Variants in CCDC15 observed in about 807,000 individuals in gnomAD.
The protein encoded by CCDC15 is coiled-coil domain containing 15.
CCDC15 carries 105 observed loss-of-function variants against 114.5 expected under a neutral mutation model. The ratio of observed to expected loss-of-function variants is 0.92; its 90% CI spans 0.78 to 1.08. The LOEUF is 1.08. CCDC15 is among the 50% of genes least tolerant of loss of function. The pLI is 0.00. For synonymous variants in CCDC15, 334 were observed against 377.8 expected (o/e 0.88, Z 1.34); for missense variants, 1,105 against 1,093.6 (o/e 1.01, Z -0.15).
Position 125,003,889 on chromosome 11 carries a change from G to T in CCDC15, c.2237G>T (p.Gly746Val). Residue 746 changes from glycine (G) to valine (V), a missense_variant, in exon 12 of 16, where the codon GGA (glycine) becomes GTA (valine). Physicochemically the swap from Gly to Val is moderately radical, Grantham distance 109. Coordinates refer to ENST00000344762, the MANE Select transcript of CCDC15 (RefSeq NM_025004.3). The stretch of plus-strand genomic sequence containing the variant: ...CAGGCTTATGATAGGTATCAATCAG[G>T]ATTGAGCACTGAATTCCAAGCTCCA... Reference protein sequence around the residue: ...VPLAYDRYQSGLSTEFQAPLA... With the variant: ...VPLAYDRYQSVLSTEFQAPLA... 3.8e-6 allele frequency: 6 copies of T among 1,564,178 alleles called. No homozygotes were observed. Among genetic ancestry groups the T allele is most frequent in the Non-Finnish European group, 5.2e-6 (6 of 1,161,366 alleles).
Position 124,991,573 on chromosome 11 carries a change from T to C in CCDC15, c.2021T>C (p.Ile674Thr), listed in dbSNP as rs368851358. 6.2e-6 allele frequency: 10 copies of C among 1,603,856 alleles called. No homozygotes were observed. The highest frequency in any genetic ancestry group is 8.5e-6 in the Non-Finnish European group (10 of 1,174,634). ...CCCAAATCCCAGGACCAGGATGACA[T>C]CAAAAATCAGGTAGAGTAGAAGAAA... is the stretch of plus-strand genomic sequence containing the variant. ...LPPKSQDQDD[I>T]KNQQPASFMR... Residue 674 changes from isoleucine (I) to threonine (T), a missense_variant, in exon 9 of 16, where the codon ATC (isoleucine) becomes ACC (threonine). Ile to Thr is a moderately conservative substitution (Grantham distance 89). Transcript: ENST00000344762.
At chr11:124,957,896 AT>A (rs1393948109) in intron 2 of CCDC15, among the ~76,000 whole-genome samples, 3 of 152,244 alleles carry the variant, frequency 2.0e-5, no homozygotes, top group African/African-American at 7.2e-5. Context: ...TGATGATTTT[AT>A]TTAATTTGAA....
At chr11:124,984,901 C>T (rs1311257156) in intron 6 of CCDC15, among the ~76,000 whole-genome samples, 2 of 152,146 alleles carry the variant, frequency 1.3e-5, no homozygotes, top group Admixed American at 1.3e-4. Flanking sequence ...TCCAGTCTCT[C>T]GGTAGTAGAT....
chr11:125,040,974 TTGCTC>T lies in CCDC15; in HGVS notation c.*271_*275del, dbSNP rs1193641466. 1.3e-5 allele frequency: 5 copies of T among 383,448 alleles called. No individual in the cohort carries two copies. The highest frequency in any genetic ancestry group is 2.4e-5 in the Non-Finnish European group (5 of 209,850). 23.8% of individuals were successfully genotyped at this position (383,448 alleles called of 1,614,324 possible). ...TCAGACAAGTAAGGCTTCTCTTACTTTGCTCTGCTCTGATCAGAAGAGCTCATGTG... is the reference window on the plus strand; with the variant it reads ...TCAGACAAGTAAGGCTTCTCTTACTTTGCTCTGATCAGAAGAGCTCATGTG... On this transcript the variant is annotated 3_prime_UTR_variant, in exon 16 of 16. Transcript: ENST00000344762.
intron 11 of CCDC15, among the ~76,000 whole-genome samples, chr11:124,994,820 A>G (rs1039756316): frequency 6.6e-6 from 1 of 152,236 alleles, no homozygotes; most frequent in Non-Finnish European, 1.5e-5. Context: ...TTAGTTTATT[A>G]TCACTGGAAT....
chr11:125,017,385 T>C (rs1948635353), intron 13 of CCDC15, among the ~76,000 whole-genome samples: 1 of 152,148 alleles, frequency 6.6e-6, no homozygotes, highest in South Asian at 2.1e-4. Flanking sequence ...TGGTTAGTGA[T>C]GGACAGCACA....
In CCDC15 at chr11:124,987,488, C is replaced by A; in HGVS notation, c.1262C>A (p.Thr421Lys). Residue 421 changes from threonine (T) to lysine (K), a missense_variant, in exon 8 of 16, where the codon ACG becomes AAG. Coordinates refer to ENST00000344762, the MANE Select transcript of CCDC15 (RefSeq NM_025004.3). ...DFLPTNQALLTKNQDVLLKDH... is the reference protein window; with the variant it reads ...DFLPTNQALLKKNQDVLLKDH... ...CTACCCACAAATCAGGCTCTTCTAACGAAAAACCAGGATGTTTTACTCAAA... is the reference window on the plus strand; with the variant it reads ...CTACCCACAAATCAGGCTCTTCTAAAGAAAAACCAGGATGTTTTACTCAAA... The A allele has an allele frequency of 1.2e-6, 2 of 1,613,914 alleles. No homozygotes were observed. The highest frequency in any genetic ancestry group is 1.3e-5 in the African/African-American group (1 of 75,026).
At chr11:125,008,946 C>T (rs901027883) in intron 13 of CCDC15, among the ~76,000 whole-genome samples, 2 of 152,050 alleles carry the variant, frequency 1.3e-5, no homozygotes, top group South Asian at 2.1e-4. Flanking sequence ...GAGCTGGGCG[C>T]GGTGGCTCAC....
At position 125,034,263 on chromosome 11, in the gene CCDC15, C is replaced by T. The variant is rs531721807; in HGVS notation, c.2412-4168C>T. Among the ~76,000 whole-genome samples, 4 of 152,284 alleles carry T rather than the reference C, an allele frequency of 2.6e-5. No individual in the cohort carries two copies. The East Asian group carries it at 5.8e-4, about 22-fold the overall frequency. On this transcript the variant is annotated intron_variant, in intron 13 of 15. Transcript: ENST00000344762. ...ATCAGAGTTTACAAGCTCAGTGTCC[C>T]CAGTGTCATCAGGGTCCTCCCACAT...
At chr11:125,025,369 A>T (rs1450270712) in intron 13 of CCDC15, among the ~76,000 whole-genome samples, 1 of 151,612 alleles carries the variant, frequency 6.6e-6, no homozygotes, top group Non-Finnish European at 1.5e-5. Flanking sequence ...AATTTTCTTT[A>T]TCTAAAAAGA....
intron 12 of CCDC15, among the ~76,000 whole-genome samples, chr11:125,004,399 G>A (rs778047884): frequency 5.3e-5 from 8 of 151,834 alleles, no homozygotes; most frequent in Non-Finnish European, 8.8e-5. Context: ...ATCTGAAAAC[G>A]GAGGTTTAGG....
chr11:124,997,062 T>G (rs1948385019), intron 11 of CCDC15, among the ~76,000 whole-genome samples: 1 of 152,244 alleles, frequency 6.6e-6, no homozygotes, highest in Non-Finnish European at 1.5e-5. Context: ...AATAATGTAT[T>G]CTTTGCGTTG....
intron 6 of CCDC15, among the ~76,000 whole-genome samples, chr11:124,985,602 T>C (rs1948145157): frequency 6.6e-6 from 1 of 151,940 alleles, no homozygotes; most frequent in Non-Finnish European, 1.5e-5. Flanking sequence ...TATCTTTTCA[T>C]GTGCTTGTTG....
At chr11:124,959,335 A>G in intron 3 of CCDC15, 71 bp downstream of exon 3, 1 of 1,298,182 alleles carries the variant, frequency 7.7e-7, no homozygotes, top group East Asian at 2.7e-5. Flanking sequence ...GCTATTAGGC[A>G]GTAACAGAAT....
chr11:124,959,401 AT>A, intron 3 of CCDC15, 137 bp downstream of exon 3: 33 of 783,638 alleles, frequency 4.2e-5, no homozygotes, highest in South Asian at 7.9e-5. Flanking sequence ...AAGACAGTAA[AT>A]TTTTTTTGTA....
intron 11 of CCDC15, among the ~76,000 whole-genome samples, chr11:125,002,596 A>G (rs553464393): frequency 1.6e-3 from 245 of 152,204 alleles, no homozygotes; most frequent in Non-Finnish European, 3.1e-3. Flanking sequence ...GAGCGGTCCA[A>G]CTTCATTCTT....
intron 12 of CCDC15, among the ~76,000 whole-genome samples, 174 bp from the exon 13 acceptor site, chr11:125,004,935 G>A (rs1377878633): frequency 6.6e-6 from 1 of 152,076 alleles, no homozygotes; most frequent in African/African-American, 2.4e-5. Flanking sequence ...TCTTGTGTAT[G>A]TGACATCCTG....
intron 13 of CCDC15, among the ~76,000 whole-genome samples, chr11:125,031,287 C>T (rs558193010): frequency 6.6e-6 from 1 of 152,326 alleles, no homozygotes; most frequent in East Asian, 1.9e-4. Flanking sequence ...TCTTCTCTTC[C>T]TCTGCCAGTT....
intron 2 of CCDC15, among the ~76,000 whole-genome samples, chr11:124,958,571 A>G (rs1233375917): frequency 6.6e-6 from 1 of 152,188 alleles, no homozygotes; most frequent in Admixed American, 6.5e-5. Flanking sequence ...AATTGAATAC[A>G]TATCCTGTCC....
Sources: gnomAD v4.1 joint callset for allele counts (sites outside exome capture counted in the v4.1 genomes callset) on GRCh38, gnomAD v4.1.1 for gene constraint, MANE v1.5 for transcripts, NCBI Gene and HGNC (gene_info 2026-07-23, HGNC 2026-07-21) for gene names.